The following KCNH7 variants were observed in gnomAD, a reference collection of about 807,000 sequenced individuals.
KCNH7 encodes voltage-gated inwardly rectifying potassium channel KCNH7.
In KCNH7, 49 loss-of-function variants were observed where a neutral mutation model predicts 120.8. That is an observed-to-expected ratio of 0.41 (90% confidence interval 0.32 to 0.51). The LOEUF is 0.51. Among genes scored for constraint, KCNH7 ranks in the 20% least tolerant of loss-of-function variants. The pLI, the probability that KCNH7 is intolerant of heterozygous loss-of-function variation, is 0.38. For synonymous variants in KCNH7, 547 were observed against 516.1 expected (o/e 1.06, Z -0.81); for missense variants, 1,097 against 1,446.6 (o/e 0.76, Z 3.92).
At chr2:162,417,632 T>C (rs2105478187) in intron 9 of KCNH7, among the ~76,000 whole-genome samples, 1 of 152,276 alleles carries the variant, frequency 6.6e-6, no homozygotes, top group Middle Eastern at 3.4e-3. Context: ...TGGAAAGCTC[T>C]AGGGCATACT....
At chr2:162,669,716 A>C (rs1397631476) in intron 2 of KCNH7, among the ~76,000 whole-genome samples, 2 of 152,186 alleles carry the variant, frequency 1.3e-5, no homozygotes, top group Non-Finnish European at 2.9e-5. Flanking sequence ...AATGCTGCTA[A>C]ACATCCTGTA....
intron 2 of KCNH7, among the ~76,000 whole-genome samples, chr2:162,650,059 A>T (rs546423114): frequency 3.3e-5 from 5 of 152,252 alleles, no homozygotes; most frequent in African/African-American, 1.2e-4. Context: ...TACATATTAC[A>T]TGCTATTTAG....
chr2:162,540,343 T>C (rs532620126), intron 2 of KCNH7, among the ~76,000 whole-genome samples: 73 of 151,910 alleles, frequency 4.8e-4, no homozygotes, highest in African/African-American at 1.7e-3. Context: ...AAAGACTGTT[T>C]AGGAGGAACA....
In KCNH7 at chr2:162,560,551, C is replaced by G. The variant is rs548094778; in HGVS notation, c.308-23471G>C. Among the ~76,000 whole-genome samples, 15 of 152,222 alleles carry G rather than the reference C, an allele frequency of 9.9e-5. No individual in the cohort carries two copies. The East Asian group carries it at 2.9e-3, about 29-fold the overall frequency. On this transcript the variant is annotated intron_variant, in intron 2 of 15. Coordinates refer to ENST00000332142, the MANE Select transcript of KCNH7 (RefSeq NM_033272.4). ...GGGACAGAAGATAATGTATCATGCC[C>G]AATTCTGTGTCTATTTTGTGTGTAA...
chr2:162,809,636 C>A (rs1391485633), intron 2 of KCNH7, among the ~76,000 whole-genome samples: 3 of 152,118 alleles, frequency 2.0e-5, no homozygotes, highest in Admixed American at 2.0e-4. Context: ...TTGGATCTTG[C>A]AAGAATTAAA....
intron 2 of KCNH7, among the ~76,000 whole-genome samples, chr2:162,653,885 C>T (rs901227513): frequency 3.3e-5 from 5 of 152,136 alleles, no homozygotes; most frequent in African/African-American, 1.2e-4. Context: ...CAAAAACATA[C>T]AATGAAGAAA....
intron 1 of KCNH7, 102 bp downstream of exon 1, chr2:162,838,341 C>A: frequency 1.1e-6 from 1 of 908,386 alleles, no homozygotes; most frequent in South Asian, 1.4e-5. Flanking sequence ...CTTAAGTTGA[C>A]AGAGCCTGGA....
rs148290930 is a variant in KCNH7 at position 162,379,364 on chromosome 2, G to A, written c.3131+489C>T. On this transcript the variant is annotated intron_variant, in intron 14 of 15. Coordinates refer to ENST00000332142, the MANE Select transcript of KCNH7 (RefSeq NM_033272.4). ...TCATGTTAAGTGGTTTAGATCAACG[G>A]TGAAGGAAACAAGAAACTCTGTGAG... Among the ~76,000 whole-genome samples the A allele has an allele frequency of 5.4e-3, 820 of 152,248 alleles. 19 individuals carry two copies. Among genetic ancestry groups the A allele is most frequent in the African/African-American group, 0.018 (758 of 41,538 alleles).
chr2:162,612,408 T>C (rs893289222), intron 2 of KCNH7, among the ~76,000 whole-genome samples: 4 of 152,096 alleles, frequency 2.6e-5, no homozygotes, highest in Non-Finnish European at 4.4e-5. Flanking sequence ...AGAAAACATC[T>C]CCTCTAAAAA....
At chr2:162,412,263 A>G (rs903047490) in intron 9 of KCNH7, among the ~76,000 whole-genome samples, 1 of 152,102 alleles carries the variant, frequency 6.6e-6, no homozygotes, top group South Asian at 2.1e-4. Context: ...CAATAAAGGT[A>G]AAACTTTTTA....
At chr2:162,487,777 C>T (rs191890887) in intron 6 of KCNH7, among the ~76,000 whole-genome samples, 5 of 152,184 alleles carry the variant, frequency 3.3e-5, no homozygotes, top group African/African-American at 4.8e-5. Context: ...GTTATTTTAC[C>T]TTTCTATATG....
At chr2:162,693,999 T>C (rs1359923138) in intron 2 of KCNH7, among the ~76,000 whole-genome samples, 4 of 152,172 alleles carry the variant, frequency 2.6e-5, no homozygotes, top group East Asian at 1.9e-4. Context: ...CCTGTGAAGA[T>C]TGATGAGATA....
At chr2:162,613,824 G>T (rs1414013113) in intron 2 of KCNH7, among the ~76,000 whole-genome samples, 1 of 151,882 alleles carries the variant, frequency 6.6e-6, no homozygotes, top group Non-Finnish European at 1.5e-5. Flanking sequence ...GAAGGGAAAG[G>T]GTAATCGTAG....
At chr2:162,800,146 G>A (rs2105540728) in intron 2 of KCNH7, among the ~76,000 whole-genome samples, 1 of 151,790 alleles carries the variant, frequency 6.6e-6, no homozygotes, top group Admixed American at 6.6e-5. Context: ...TCCAAAAAAG[G>A]AAGAAGGACT....
intron 2 of KCNH7, among the ~76,000 whole-genome samples, chr2:162,770,805 C>T (rs1683022017): frequency 6.6e-6 from 1 of 152,056 alleles, no homozygotes; most frequent in African/African-American, 2.4e-5. Context: ...ACTTGAATTT[C>T]CCAAATATTT....
intron 2 of KCNH7, among the ~76,000 whole-genome samples, chr2:162,561,007 T>G (rs889527294): frequency 2.0e-5 from 3 of 152,104 alleles, no homozygotes; most frequent in Non-Finnish European, 4.4e-5. Context: ...TATGGAACTA[T>G]AGTAGTTAGA....
intron 2 of KCNH7, among the ~76,000 whole-genome samples, chr2:162,550,437 T>C (rs888290489): frequency 1.3e-5 from 2 of 152,172 alleles, no homozygotes; most frequent in African/African-American, 4.8e-5. Flanking sequence ...GAGAGCCATG[T>C]TGGAGTATTT....
intron 2 of KCNH7, among the ~76,000 whole-genome samples, chr2:162,686,375 T>C (rs901484740): frequency 1.3e-5 from 2 of 152,126 alleles, no homozygotes; most frequent in Admixed American, 6.6e-5. Context: ...TCCTGAGTTT[T>C]TGCTAATTTC....
chr2:162,515,103 T>C (rs1012897795), intron 4 of KCNH7, among the ~76,000 whole-genome samples: 1 of 151,790 alleles, frequency 6.6e-6, no homozygotes, highest in East Asian at 2.0e-4. Context: ...ATCAGTGATT[T>C]TGTAGCTAAA....
Sources: allele counts gnomAD v4.1 joint callset (sites outside exome capture counted in the v4.1 genomes callset), GRCh38; gene constraint gnomAD v4.1.1; transcripts MANE v1.5; gene names NCBI Gene and HGNC (gene_info 2026-07-23, HGNC 2026-07-21).